CDKN2B-AS1: variants seen among roughly 807,000 people sequenced by gnomAD.
CDKN2B-AS1 encodes CDKN2B antisense RNA 1 (non-protein coding).
chr9:22,076,263 C>T (rs927790897), intron 4 of CDKN2B-AS1, among the ~76,000 whole-genome samples: 33 of 151,702 alleles, frequency 2.2e-4, no homozygotes, highest in Admixed American at 1.2e-3. Context: ...CATGTTGGCC[C>T]GGCTGGTCTT....
At chr9:22,095,122 C>T (rs1179549816) in intron 4 of CDKN2B-AS1, among the ~76,000 whole-genome samples, 5 of 144,748 alleles carry the variant, frequency 3.5e-5, no homozygotes, top group East Asian at 2.0e-4. Context: ...GGCTGCAGAA[C>T]GGCGAATGTT....
At chr9:22,020,724 G>A (rs1398393152) in intron 1 of CDKN2B-AS1, among the ~76,000 whole-genome samples, 3 of 151,662 alleles carry the variant, frequency 2.0e-5, no homozygotes, top group Non-Finnish European at 4.4e-5. Context: ...TTTTAATAGG[G>A]GTGTTTTATT....
At chr9:22,109,582 A>C (rs1825750717) in intron 4 of CDKN2B-AS1, among the ~76,000 whole-genome samples, 2 of 152,184 alleles carry the variant, frequency 1.3e-5, no homozygotes, top group Non-Finnish European at 2.9e-5. Flanking sequence ...AAGTAAGAGC[A>C]AGTATTTTAT....
chr9:22,062,517 G>A (rs904575982), intron 4 of CDKN2B-AS1, among the ~76,000 whole-genome samples: 7 of 152,156 alleles, frequency 4.6e-5, no homozygotes, highest in Admixed American at 1.3e-4. Context: ...GCTGTGGGCT[G>A]TGTCACTTGT....
chr9:22,116,256 A>G lies in CDKN2B-AS1; in HGVS notation n.439-10847A>G, dbSNP rs964856797. On this transcript the variant is annotated intron_variant and non_coding_transcript_variant, in intron 4 of 4. Coordinates refer to ENST00000650946, the Ensembl canonical transcript of CDKN2B-AS1. ...TGTTTGATATACTCAAACGGTGTAT[A>G]TCAAACGGATATAAGTTTGAGTAGG... is the stretch of plus-strand genomic sequence containing the variant. 4.6e-5 allele frequency among the ~76,000 whole-genome samples: 7 copies of G among 152,338 alleles called. 1 individual carries two copies. Among genetic ancestry groups the G allele is most frequent in the African/African-American group, 1.7e-4 (7 of 41,576 alleles).
At chr9:22,009,116 C>T (rs181360070) in intron 1 of CDKN2B-AS1, 17 of 1,066,734 alleles carry the variant, frequency 1.6e-5, no homozygotes, top group Non-Finnish European at 5.5e-6. Flanking sequence ...CGGCTTGGGG[C>T]CCCGTGCAGT....
At chr9:22,088,340 A>G (rs1376407405) in intron 4 of CDKN2B-AS1, among the ~76,000 whole-genome samples, 3 of 152,120 alleles carry the variant, frequency 2.0e-5, no homozygotes, top group Non-Finnish European at 2.9e-5. Context: ...TGTCAGTGGT[A>G]TTTACCTTTT....
chr9:22,035,579 C>T (rs1024631145), intron 1 of CDKN2B-AS1, among the ~76,000 whole-genome samples: 4 of 152,024 alleles, frequency 2.6e-5, no homozygotes, highest in East Asian at 1.9e-4. Flanking sequence ...TGTGGTTCCA[C>T]GAGGGGTTGG....
intron 4 of CDKN2B-AS1, among the ~76,000 whole-genome samples, chr9:22,091,416 G>C (rs1224806161): frequency 2.0e-5 from 3 of 152,126 alleles, no homozygotes. Flanking sequence ...ATTACTTTGG[G>C]CAGTATGGCC....
intron 4 of CDKN2B-AS1, among the ~76,000 whole-genome samples, chr9:22,087,235 A>G (rs1198607219): frequency 6.6e-6 from 1 of 152,130 alleles, no homozygotes; most frequent in East Asian, 1.9e-4. Context: ...AAGGGGACCA[A>G]AAAGTTGTGG....
At chr9:22,128,118 C>G (rs1447851669), downstream of CDKN2B-AS1, among the ~76,000 whole-genome samples, 1 of 152,044 alleles carries the variant, frequency 6.6e-6, no homozygotes, top group African/African-American at 2.4e-5. Context: ...TATATATTTG[C>G]AATAAATGAT....
At chr9:22,060,920 A>G (rs1202882486) in intron 4 of CDKN2B-AS1, among the ~76,000 whole-genome samples, 1 of 152,190 alleles carries the variant, frequency 6.6e-6, no homozygotes, top group Non-Finnish European at 1.5e-5. Context: ...CTCGGGATTC[A>G]GTTACCTCAC....
At chr9:22,012,334 C>A in intron 1 of CDKN2B-AS1, 3 of 1,396,432 alleles carry the variant, frequency 2.1e-6, no homozygotes, top group Non-Finnish European at 3.0e-6. Context: ...CAGACTACAA[C>A]GTCCAGAAAC....
Position 22,005,143 on chromosome 9 carries a change from A to G in CDKN2B-AS1, n.29+9982A>G, listed in dbSNP as rs183171776. The G allele has an allele frequency of 1.5e-5, 3 of 198,474 alleles. No individual in the cohort carries two copies. The highest frequency in any genetic ancestry group is 2.8e-5 in the Non-Finnish European group (3 of 106,132). The allele number at this position is 198,474 out of a possible 1,614,324, so 12.3% of individuals were successfully genotyped here. A position where few individuals can be genotyped will look rare whatever the true frequency, so the allele number is the denominator to read the frequency against. ...GTGTGTGTGTGTGTGTGTGTGTGTG[A>G]AAGAAAACGTTACAGTTAACCGTTA... is the stretch of plus-strand genomic sequence containing the variant. On this transcript the variant is annotated intron_variant and non_coding_transcript_variant, in intron 1 of 4. Coordinates refer to ENST00000650946, the Ensembl canonical transcript of CDKN2B-AS1. This position sits in a 1 kb window ranked among gnomAD's most constrained non-coding sequence, Gnocchi z 4.9.
chr9:22,071,759 T>C (rs1457439842), intron 4 of CDKN2B-AS1, among the ~76,000 whole-genome samples: 2 of 152,200 alleles, frequency 1.3e-5, no homozygotes, highest in Admixed American at 1.3e-4. Flanking sequence ...TTCGTATTAA[T>C]GAGTTCAACT....
At chr9:22,096,742 A>G (rs765487300) in intron 4 of CDKN2B-AS1, among the ~76,000 whole-genome samples, 3 of 152,112 alleles carry the variant, frequency 2.0e-5, no homozygotes, top group Non-Finnish European at 4.4e-5. Context: ...TGGAGTTATT[A>G]AAATGCCCTA....
chr9:22,060,470 G>A (rs559879382), intron 4 of CDKN2B-AS1, among the ~76,000 whole-genome samples: 6 of 152,096 alleles, frequency 3.9e-5, no homozygotes, highest in Non-Finnish European at 7.3e-5. Context: ...TGTCCATATC[G>A]CTGTTGGCAT....
At chr9:22,076,751 G>C (rs1039618380) in intron 4 of CDKN2B-AS1, among the ~76,000 whole-genome samples, 1 of 152,110 alleles carries the variant, frequency 6.6e-6, no homozygotes, top group Non-Finnish European at 1.5e-5. Context: ...GGAGTGCAGT[G>C]GCGCAATCTT....
Position 22,045,038 on chromosome 9 carries a change from T to TTGTGTGTGTGTG in CDKN2B-AS1, n.30-1691_30-1680dup, listed in dbSNP as rs3028395. 9.7e-3 allele frequency among the ~76,000 whole-genome samples: 1,374 copies of TTGTGTGTGTGTG among 141,910 alleles called. 68 individuals are homozygous for TTGTGTGTGTGTG. In the East Asian group the frequency reaches 0.15, roughly 16 times the overall value. 93.1% of individuals were successfully genotyped at this position (141,910 alleles called of 152,430 possible). A position where few individuals can be genotyped will look rare whatever the true frequency, so the allele number is the denominator to read the frequency against. The stretch of plus-strand genomic sequence containing the variant: ...TTTCTTTTGGAAAAATATTATTTAT[T>TTGTGTGTGTGTG]TGTGTGTGTGTGTGTGTGTGTGTGT... On this transcript the variant is annotated intron_variant and non_coding_transcript_variant, in intron 1 of 4. Transcript: ENST00000650946.
Sources: gnomAD v4.1 joint callset for allele counts (sites outside exome capture counted in the v4.1 genomes callset) on GRCh38, gnomAD v4.1.1 for gene constraint, Gnocchi (gnomAD v3.1) non-coding constraint, MANE v1.5 for transcripts, NCBI Gene and HGNC (gene_info 2026-07-23, HGNC 2026-07-21) for gene names.